Variants in ZBTB7C observed in about 807,000 individuals in gnomAD.
ZBTB7C encodes zinc finger and BTB domain-containing protein 7C.
Under a neutral mutation model 25.7 loss-of-function variants are expected in ZBTB7C, and 8 were observed. That is an observed-to-expected ratio of 0.31 (90% confidence interval 0.18 to 0.56). The LOEUF is 0.56. Among genes scored for constraint, ZBTB7C ranks in the 20% least tolerant of loss-of-function variants. The pLI is 0.91. For synonymous variants in ZBTB7C, 394 were observed against 369.0 expected (o/e 1.07, Z -0.78); for missense variants, 824 against 855.2 (o/e 0.96, Z 0.46).
In ZBTB7C at chr18:48,215,090, T is replaced by C. The variant is rs74583317; in HGVS notation, c.-78-29095A>G. The stretch of plus-strand genomic sequence containing the variant: ...TAAAATGATAAAATACATTGATTAA[T>C]GATAAATCTCCTCCAGGTTCTAGGT... On this transcript the variant is annotated intron_variant, in intron 2 of 4. Coordinates refer to ENST00000590800, the MANE Select transcript of ZBTB7C (RefSeq NM_001318841.2). Among the ~76,000 whole-genome samples, 924 of 152,348 alleles carry C rather than the reference T, an allele frequency of 6.1e-3. 20 individuals carry two copies. The highest frequency in any genetic ancestry group is 0.021 in the African/African-American group (891 of 41,576).
intron 3 of ZBTB7C, among the ~76,000 whole-genome samples, chr18:48,152,700 GAA>G (rs1371582661): frequency 6.6e-6 from 1 of 152,240 alleles, no homozygotes; most frequent in Non-Finnish European, 1.5e-5. Flanking sequence ...GTGCAGTGAT[GAA>G]GTCAGTTAGT....
intron 3 of ZBTB7C, chr18:48,180,500 C>T: frequency 2.7e-6 from 1 of 375,908 alleles, no homozygotes; most frequent in South Asian, 2.0e-5. Flanking sequence ...GGAAATGAAG[C>T]AGGCATGGGT....
In ZBTB7C at chr18:48,028,201, GCCCCCATC is replaced by G; in HGVS notation, c.*1051_*1058del. 6.6e-6 allele frequency: 1 copy of G among 152,300 alleles called. No individual in the cohort carries two copies. Among genetic ancestry groups the G allele is most frequent in the East Asian group, 1.9e-4 (1 of 5,178 alleles). The allele number at this position is 152,300 out of a possible 1,614,324, so 9.4% of individuals were successfully genotyped here. A position where few individuals can be genotyped will look rare whatever the true frequency, so the allele number is the denominator to read the frequency against. On this transcript the variant is annotated 3_prime_UTR_variant, in exon 5 of 5. Transcript: ENST00000590800. ...GACTGTTGCCAGGTGTTAAGAGGTG[GCCCCCATC>G]TCTTCGATGTTGGCCCTGAGAGCCC...
chr18:48,298,329 C>A (rs560620826), intron 2 of ZBTB7C, among the ~76,000 whole-genome samples: 21 of 151,796 alleles, frequency 1.4e-4, no homozygotes, highest in Non-Finnish European at 2.6e-4. Context: ...ACTTGTCCTC[C>A]TGGGGACAGA....
chr18:48,201,189 A>T (rs77031690), intron 2 of ZBTB7C, among the ~76,000 whole-genome samples: 18,506 of 152,154 alleles, frequency 0.12, 1,516 homozygotes, highest in Non-Finnish European at 0.18. Context: ...CATACAATCG[A>T]TCTGTTCTTC....
chr18:48,161,633 C>T (rs2041038081), intron 3 of ZBTB7C, among the ~76,000 whole-genome samples: 1 of 151,994 alleles, frequency 6.6e-6, no homozygotes, highest in Non-Finnish European at 1.5e-5. Context: ...CGCCCGGCCA[C>T]AAGCGCCCCG....
At chr18:48,397,525 T>A (rs372970900) in intron 1 of ZBTB7C, among the ~76,000 whole-genome samples, 10 of 152,326 alleles carry the variant, frequency 6.6e-5, no homozygotes, top group African/African-American at 2.4e-4. Context: ...AAGCCTCAGT[T>A]CATCATCTGC....
chr18:48,173,568 C>A (rs900575636), intron 3 of ZBTB7C, among the ~76,000 whole-genome samples: 3 of 152,212 alleles, frequency 2.0e-5, no homozygotes, highest in Non-Finnish European at 2.9e-5. Flanking sequence ...CCTGGCAAAT[C>A]CTTCTCTCCA....
intron 1 of ZBTB7C, among the ~76,000 whole-genome samples, chr18:48,389,218 C>CGTG (rs1568418108): frequency 7.9e-6 from 1 of 126,826 alleles, no homozygotes; most frequent in African/African-American, 3.1e-5. Context: ...CTCTCTCTCT[C>CGTG]TCTCTCTCTC....
At chr18:48,357,985 T>C (rs1261495221) in intron 1 of ZBTB7C, among the ~76,000 whole-genome samples, 1 of 152,206 alleles carries the variant, frequency 6.6e-6, no homozygotes, top group Non-Finnish European at 1.5e-5. Flanking sequence ...CCCGCATGAA[T>C]GGCTTAGTGC....
At chr18:48,084,398 C>T (rs2038106332) in intron 3 of ZBTB7C, among the ~76,000 whole-genome samples, 1 of 152,168 alleles carries the variant, frequency 6.6e-6, no homozygotes. Context: ...TTTCACTTGT[C>T]ATATTAGGAA....
At chr18:48,217,722 G>A (rs1401636125) in intron 2 of ZBTB7C, among the ~76,000 whole-genome samples, 1 of 152,088 alleles carries the variant, frequency 6.6e-6, no homozygotes, top group African/African-American at 2.4e-5. Flanking sequence ...CCAACTCACA[G>A]GGCCCTATCA....
chr18:48,130,088 C>T (rs555238011), intron 3 of ZBTB7C, among the ~76,000 whole-genome samples: 2 of 152,260 alleles, frequency 1.3e-5, no homozygotes, highest in South Asian at 2.1e-4. Context: ...GGGGTGGAGT[C>T]GCCTTACCTA....
At chr18:48,226,747 G>A (rs1333636765) in intron 2 of ZBTB7C, among the ~76,000 whole-genome samples, 1 of 152,174 alleles carries the variant, frequency 6.6e-6, no homozygotes, top group African/African-American at 2.4e-5. Context: ...TCGACTGGGT[G>A]CAGTGGCTTA....
chr18:48,405,153 G>C (rs749442948), intron 1 of ZBTB7C, among the ~76,000 whole-genome samples: 19 of 150,924 alleles, frequency 1.3e-4, no homozygotes, highest in African/African-American at 4.2e-4. Context: ...AAATCTGTTC[G>C]GCCTCAGGGA....
chr18:48,274,866 A>T (rs1339674799), intron 2 of ZBTB7C, among the ~76,000 whole-genome samples: 1 of 152,154 alleles, frequency 6.6e-6, no homozygotes, highest in Non-Finnish European at 1.5e-5. Context: ...TAAGTCAATG[A>T]GCACCTGCTC....
chr18:48,130,193 C>T (rs931100019), intron 3 of ZBTB7C, among the ~76,000 whole-genome samples: 1 of 152,180 alleles, frequency 6.6e-6, no homozygotes, highest in Admixed American at 6.5e-5. Context: ...GGCTGCTTCT[C>T]TGCTTAAAAT....
At chr18:48,191,803 G>A (rs1156283866) in intron 2 of ZBTB7C, among the ~76,000 whole-genome samples, 1 of 152,134 alleles carries the variant, frequency 6.6e-6, no homozygotes, top group African/African-American at 2.4e-5. Flanking sequence ...ATCCTTCAGA[G>A]GCTATGTTTG....
intron 1 of ZBTB7C, among the ~76,000 whole-genome samples, chr18:48,388,650 G>A (rs1055926367): frequency 2.6e-5 from 4 of 152,182 alleles, no homozygotes; most frequent in Admixed American, 6.5e-5. Flanking sequence ...TTGGGAGGCC[G>A]AAGCAGGAGG....
Sources: gnomAD v4.1 joint callset for allele counts (sites outside exome capture counted in the v4.1 genomes callset) on GRCh38, gnomAD v4.1.1 for gene constraint, MANE v1.5 for transcripts, NCBI Gene and HGNC (gene_info 2026-07-23, HGNC 2026-07-21) for gene names.